MFSD6: variants seen among roughly 807,000 people sequenced by gnomAD.
The protein encoded by MFSD6 is major facilitator superfamily domain-containing protein 6.
In MFSD6, 26 loss-of-function variants were observed where a neutral mutation model predicts 56.3. The observed-to-expected ratio is 0.46, with a 90% CI of 0.34 to 0.64. MFSD6 has a LOEUF of 0.64. MFSD6 is among the 30% of genes least tolerant of loss of function. MFSD6 has a pLI of 0.01. For missense variants in MFSD6, 750 were observed against 986.2 expected, an observed-to-expected ratio of 0.76 and a Z score of 3.21; for synonymous variants, 331 against 366.9, an observed-to-expected ratio of 0.90 and a Z score of 1.12.
intron 3 of MFSD6, among the ~76,000 whole-genome samples, chr2:190,442,113 ATTC>A (rs1273242572): frequency 6.6e-6 from 1 of 152,248 alleles, no homozygotes; most frequent in African/African-American, 2.4e-5. Flanking sequence ...GGGAGGATTA[ATTC>A]TTCTTTAAAA....
In MFSD6 at chr2:190,458,749, G is replaced by A. The variant is rs183445240; in HGVS notation, c.1533-11009G>A. 2.6e-3 allele frequency among the ~76,000 whole-genome samples: 396 copies of A among 152,236 alleles called. 2 individuals are homozygous for A. Among genetic ancestry groups the A allele is most frequent in the Non-Finnish European group, 4.0e-3 (269 of 68,010 alleles). On this transcript the variant is annotated intron_variant, in intron 3 of 7. Coordinates refer to ENST00000392328, the MANE Select transcript of MFSD6 (RefSeq NM_017694.4). This position sits in a 1 kb window ranked among gnomAD's most constrained non-coding sequence, Gnocchi z 5.3. ...ACCCAGAGAAGCTTAAGTAAAATGG[G>A]GACTGTATTGTCCAATTGAGAAGTC... is the stretch of plus-strand genomic sequence containing the variant.
rs1490734233 is a variant in MFSD6 at position 190,412,225 on chromosome 2, CTT to C, written c.-175-3064_-175-3063del. 2 of 984,822 alleles carry C rather than the reference CTT, an allele frequency of 2.0e-6. No individual in the cohort carries two copies. The highest frequency in any genetic ancestry group is 6.2e-5 in the Admixed American group (1 of 16,260). The allele number at this position is 984,822 out of a possible 1,614,324, so 61.0% of individuals were successfully genotyped here. A position where few individuals can be genotyped will look rare whatever the true frequency, so the allele number is the denominator to read the frequency against. ...AATCCAGAGCCATAATACATTCAGA[CTT>C]TTCAGAATCAAGAAAACACATGCTT... On this transcript the variant is annotated intron_variant, in intron 1 of 7. Coordinates refer to ENST00000392328, the MANE Select transcript of MFSD6 (RefSeq NM_017694.4). This position sits in a 1 kb window ranked among gnomAD's most constrained non-coding sequence, Gnocchi z 4.1.
At chr2:190,464,890 G>GT (rs1687515792) in intron 3 of MFSD6, 5 of 326,440 alleles carry the variant, frequency 1.5e-5, no homozygotes, top group Non-Finnish European at 1.5e-5. Context: ...GTTCACTGTG[G>GT]TTTTTAGTGG....
At position 190,424,508 on chromosome 2, in the gene MFSD6, T is replaced by C. The variant is rs1685729858; in HGVS notation, c.-54+9095T>C. ...ATGACACCATGCCCAGCTAATTTTG[T>C]ATTTTTAGTAGAGATGGGGTTTCTC... is the stretch of plus-strand genomic sequence containing the variant. On this transcript the variant is annotated intron_variant, in intron 2 of 7. Transcript: ENST00000392328. The surrounding 1 kb of genome is among the most constrained non-coding windows in gnomAD (Gnocchi z 5.9). 2.0e-5 allele frequency among the ~76,000 whole-genome samples: 3 copies of C among 152,082 alleles called. No individual in the cohort carries two copies. The South Asian group carries it at 6.2e-4, about 31-fold the overall frequency.
chr2:190,452,956 C>A (rs188939139), intron 3 of MFSD6, among the ~76,000 whole-genome samples: 270 of 152,210 alleles, frequency 1.8e-3, no homozygotes, highest in Non-Finnish European at 3.5e-3. Context: ...TGTGCTCATT[C>A]AATATTTCTT....
intron 4 of MFSD6, among the ~76,000 whole-genome samples, chr2:190,472,554 A>C (rs2125157938): frequency 6.6e-6 from 1 of 152,336 alleles, no homozygotes; most frequent in East Asian, 1.9e-4. Flanking sequence ...ATAAAAAGAA[A>C]CGAACAAAGC....
Position 190,491,966 on chromosome 2 carries a change from C to T in MFSD6, c.1891+2100C>T, listed in dbSNP as rs1162199515. On this transcript the variant is annotated intron_variant, in intron 6 of 7. Coordinates refer to ENST00000392328, the MANE Select transcript of MFSD6 (RefSeq NM_017694.4). This position sits in a 1 kb window ranked among gnomAD's most constrained non-coding sequence, Gnocchi z 4.2. Reference sequence around the variant, plus strand: ...TGAGATAGATAGCATAAATAAGAAACAGTTACAACTTCAGGAAATAAAGGA... The same window carrying T: ...TGAGATAGATAGCATAAATAAGAAATAGTTACAACTTCAGGAAATAAAGGA... Among the ~76,000 whole-genome samples, 1 of 152,096 alleles carries T rather than the reference C, an allele frequency of 6.6e-6. No individual in the cohort carries two copies. Among genetic ancestry groups the T allele is most frequent in the Non-Finnish European group, 1.5e-5 (1 of 68,014 alleles).
rs34054506 is a variant in MFSD6 at position 190,455,934 on chromosome 2, C to CTTTTTTTTTTTTTTT, written c.1533-13814_1533-13800dup. On this transcript the variant is annotated intron_variant, in intron 3 of 7. Transcript: ENST00000392328. ...GTCTACTGTAATTGTATTTACTCTG[C>CTTTTTTTTTTTTTTT]TTTTTTTTTTTTTTTTTTTTTTTTG... Among the ~76,000 whole-genome samples, 3 of 65,370 alleles carry CTTTTTTTTTTTTTTT rather than the reference C, an allele frequency of 4.6e-5. 1 individual carries two copies. Among genetic ancestry groups the CTTTTTTTTTTTTTTT allele is most frequent in the Non-Finnish European group, 2.5e-5 (1 of 39,358 alleles). The allele number at this position is 65,370 out of a possible 152,430, so 42.9% of individuals were successfully genotyped here.
chr2:190,476,984 C>T (rs1321092871), intron 4 of MFSD6, among the ~76,000 whole-genome samples: 1 of 139,218 alleles, frequency 7.2e-6, no homozygotes, highest in Non-Finnish European at 1.5e-5. Flanking sequence ...TGTTCTCACT[C>T]ATAGGTGGGA....
rs1358851569 is a variant in MFSD6 at position 190,426,968 on chromosome 2, G to A, written c.-53-9009G>A. On this transcript the variant is annotated intron_variant, in intron 2 of 7. Coordinates refer to ENST00000392328, the MANE Select transcript of MFSD6 (RefSeq NM_017694.4). The surrounding 1 kb of genome is among the most constrained non-coding windows in gnomAD (Gnocchi z 4.7). Reference sequence around the variant, plus strand: ...CACTCAGCCTCTTTGGATACCTGAAGGTGAAAGACTTTTCATTACTGTGAA... The same window carrying A: ...CACTCAGCCTCTTTGGATACCTGAAAGTGAAAGACTTTTCATTACTGTGAA... 6.6e-6 allele frequency among the ~76,000 whole-genome samples: 1 copy of A among 152,180 alleles called. No individual in the cohort carries two copies. The highest frequency in any genetic ancestry group is 1.5e-5 in the Non-Finnish European group (1 of 68,034).
intron 2 of MFSD6, among the ~76,000 whole-genome samples, chr2:190,421,269 ATAAT>A (rs1314424299): frequency 6.6e-6 from 1 of 152,240 alleles, no homozygotes; most frequent in Admixed American, 6.5e-5. Flanking sequence ...TTTATGTAGA[ATAAT>A]TAATTAAAGT....
rs938463240 is a variant in MFSD6 at position 190,437,521 on chromosome 2, T to A, written c.1492T>A (p.Phe498Ile). ...TCATGTGTCTGAGCTGACAGCATATTTTTTTAGTCACAAGCTTATTGAATT... is the reference window on the plus strand; with the variant it reads ...TCATGTGTCTGAGCTGACAGCATATATTTTTAGTCACAAGCTTATTGAATT... ...LSHVSELTAY[F>I]FSHKLIELIG... The change falls in exon 3 of 8, where the codon TTT (phenylalanine) becomes ATT (isoleucine). Residue 498 changes from phenylalanine (F) to isoleucine (I), a missense_variant. This residue lies in a region of MFSD6 where 125 missense variants were observed against 223.1 expected (regional missense o/e 0.56). Coordinates refer to ENST00000392328, the MANE Select transcript of MFSD6 (RefSeq NM_017694.4). This position sits in a 1 kb window ranked among gnomAD's most constrained non-coding sequence, Gnocchi z 5.9. 3 of 1,613,978 alleles carry A rather than the reference T, an allele frequency of 1.9e-6. No individual in the cohort carries two copies. Among genetic ancestry groups the A allele is most frequent in the Non-Finnish European group, 2.5e-6 (3 of 1,179,992 alleles).
At chr2:190,411,804 C>T (rs1487000478) in intron 1 of MFSD6, 1 of 985,356 alleles carries the variant, frequency 1.0e-6, no homozygotes, top group Non-Finnish European at 1.2e-6. Flanking sequence ...GCATATTCTA[C>T]AACTCCTCAG....
rs1419783229 is a variant in MFSD6, at chr2:190,490,055, T to A, written c.1891+189T>A. The stretch of plus-strand genomic sequence containing the variant: ...ATCCACCTACTATGCAGAAAAAATA[T>A]TGTTTTAAGTAGCTTGGGGTTTTCT... On this transcript the variant is annotated intron_variant, in intron 6 of 7. Coordinates refer to ENST00000392328, the MANE Select transcript of MFSD6 (RefSeq NM_017694.4). This position sits in a 1 kb window ranked among gnomAD's most constrained non-coding sequence, Gnocchi z 4.5. 6.6e-6 allele frequency among the ~76,000 whole-genome samples: 1 copy of A among 151,910 alleles called. No homozygotes were observed. Among genetic ancestry groups the A allele is most frequent in the Non-Finnish European group, 1.5e-5 (1 of 67,970 alleles).
rs1199567497 is a variant in MFSD6 at position 190,485,662 on chromosome 2, C to G, written c.1631-2995C>G. On this transcript the variant is annotated intron_variant, in intron 4 of 7. Transcript: ENST00000392328. The surrounding 1 kb of genome is among the most constrained non-coding windows in gnomAD (Gnocchi z 5.1). Reference sequence around the variant, plus strand: ...TGTCAACACTCATAATTAAGACTATCCAGGCATTATTCAATTCTGAGAAAG... The same window carrying G: ...TGTCAACACTCATAATTAAGACTATGCAGGCATTATTCAATTCTGAGAAAG... Among the ~76,000 whole-genome samples, 4 of 152,060 alleles carry G rather than the reference C, an allele frequency of 2.6e-5. No individual in the cohort carries two copies. In the East Asian group the frequency reaches 7.7e-4, roughly 29 times the overall value.
In MFSD6 at chr2:190,490,451, T is replaced by TACTC. The variant is rs1434117520; in HGVS notation, c.1891+587_1891+590dup. On this transcript the variant is annotated intron_variant, in intron 6 of 7. Coordinates refer to ENST00000392328, the MANE Select transcript of MFSD6 (RefSeq NM_017694.4). The surrounding 1 kb of genome is among the most constrained non-coding windows in gnomAD (Gnocchi z 4.5). ...GGTGGTGGGCGCCTGTAATCCCAGC[T>TACTC]ACTCAGGAGGCTGAGGCAGGAGAAT... is the stretch of plus-strand genomic sequence containing the variant. 6.6e-6 allele frequency among the ~76,000 whole-genome samples: 1 copy of TACTC among 151,698 alleles called. No homozygotes were observed. The highest frequency in any genetic ancestry group is 2.4e-5 in the African/African-American group (1 of 41,282).
At position 190,410,341 on chromosome 2, in the gene MFSD6, T is replaced by G. The variant is rs993552844; in HGVS notation, c.-176+1838T>G. Among the ~76,000 whole-genome samples, 2 of 152,140 alleles carry G rather than the reference T, an allele frequency of 1.3e-5. No homozygotes were observed. The highest frequency in any genetic ancestry group is 2.9e-5 in the Non-Finnish European group (2 of 68,040). ...CAACTTACACAAACCACATAATCAG[T>G]AAGAGGTAGAGTTAAATTTGACCTC... On this transcript the variant is annotated intron_variant, in intron 1 of 7. Transcript: ENST00000392328. This position sits in a 1 kb window ranked among gnomAD's most constrained non-coding sequence, Gnocchi z 4.4.
In MFSD6 at chr2:190,496,895, T is replaced by C. The variant is rs1047626303; in HGVS notation, c.1892-544T>C. Among the ~76,000 whole-genome samples the C allele has an allele frequency of 2.0e-5, 3 of 152,142 alleles. No individual in the cohort carries two copies. Among genetic ancestry groups the C allele is most frequent in the African/African-American group, 7.2e-5 (3 of 41,438 alleles). ...AAGGCATAAGAATGATATGATGGAC[T>C]TTGGGGACTCAGGGGAAAGGGTGGG... On this transcript the variant is annotated intron_variant, in intron 6 of 7. Coordinates refer to ENST00000392328, the MANE Select transcript of MFSD6 (RefSeq NM_017694.4). This position sits in a 1 kb window ranked among gnomAD's most constrained non-coding sequence, Gnocchi z 4.7.
chr2:190,481,920 A>G (rs750984478), intron 4 of MFSD6, among the ~76,000 whole-genome samples: 6 of 152,216 alleles, frequency 3.9e-5, no homozygotes, highest in Non-Finnish European at 7.3e-5. Context: ...CAACTCTGAC[A>G]GAGAGACTGG....
Sources: allele counts gnomAD v4.1 joint callset (sites outside exome capture counted in the v4.1 genomes callset), GRCh38; gene constraint gnomAD v4.1.1; regional missense constraint gnomAD v4.1.1; non-coding constraint Gnocchi (gnomAD v3.1); transcripts MANE v1.5; gene names NCBI Gene and HGNC (gene_info 2026-07-23, HGNC 2026-07-21).